Variants in KCNQ5 observed in about 807,000 individuals in gnomAD.
The protein encoded by KCNQ5 is potassium voltage-gated channel subfamily KQT member 5.
A neutral mutation model predicts 98.2 loss-of-function variants in KCNQ5; 30 were observed. That is an observed-to-expected ratio of 0.31 (90% confidence interval 0.23 to 0.41). KCNQ5 has a LOEUF of 0.41. Ranked by LOEUF, KCNQ5 falls within the 10% of genes least tolerant of loss-of-function variation. The pLI is 1.00. For synonymous variants in KCNQ5, 458 were observed against 449.4 expected (o/e 1.02, Z -0.24); for missense variants, 835 against 1,182.5 (o/e 0.71, Z 4.31).
At chr6:72,790,369 C>G (rs1773974382) in intron 1 of KCNQ5, among the ~76,000 whole-genome samples, 1 of 152,116 alleles carries the variant, frequency 6.6e-6, no homozygotes, top group Admixed American at 6.5e-5. Flanking sequence ...AGTTGAGCTA[C>G]AGATTAAATA....
chr6:72,970,488 T>C (rs886382128), intron 1 of KCNQ5, among the ~76,000 whole-genome samples: 6 of 152,342 alleles, frequency 3.9e-5, no homozygotes, highest in African/African-American at 1.2e-4. Context: ...GTTTTCTATA[T>C]GCAGTTTCAG....
intron 5 of KCNQ5, among the ~76,000 whole-genome samples, chr6:73,097,297 TC>T (rs144154454): frequency 0.034 from 5,101 of 151,694 alleles, 115 homozygotes; most frequent in Non-Finnish European, 0.05. Flanking sequence ...TGTTTCAGAT[TC>T]CCCATGTAGT....
chr6:73,065,814 A>G (rs1453889967), intron 3 of KCNQ5, among the ~76,000 whole-genome samples: 3 of 151,280 alleles, frequency 2.0e-5, no homozygotes, highest in Admixed American at 1.3e-4. Context: ...TCGTTGGGTC[A>G]TGGCTCCTCT....
intron 11 of KCNQ5, among the ~76,000 whole-genome samples, chr6:73,185,252 G>T (rs922808499): frequency 6.6e-6 from 1 of 152,124 alleles, no homozygotes; most frequent in South Asian, 2.1e-4. Flanking sequence ...GACTGTCAAG[G>T]CTCACTGTAG....
rs950295081 is a variant in KCNQ5 at position 72,976,941 on chromosome 6, G to A, written c.399-26967G>A. Among the ~76,000 whole-genome samples, 5 of 152,118 alleles carry A rather than the reference G, an allele frequency of 3.3e-5. No individual in the cohort carries two copies. In the East Asian group the frequency reaches 9.6e-4, roughly 29 times the overall value. ...TTGCTTAGACCAAGCCAGATTACTT[G>A]AGCACCTTAAATTTTGCTGGGTATT... On this transcript the variant is annotated intron_variant, in intron 1 of 13. Coordinates refer to ENST00000370398, the MANE Select transcript of KCNQ5 (RefSeq NM_019842.4).
At chr6:72,895,233 G>A (rs1027389966) in intron 1 of KCNQ5, among the ~76,000 whole-genome samples, 104 of 150,160 alleles carry the variant, frequency 6.9e-4, no homozygotes, top group African/African-American at 2.5e-3. Flanking sequence ...AGCTTGCAGT[G>A]AGCAGAGATC....
chr6:73,148,874 G>T (rs560466744), intron 10 of KCNQ5, among the ~76,000 whole-genome samples: 8 of 152,282 alleles, frequency 5.3e-5, no homozygotes, highest in African/African-American at 1.9e-4. Flanking sequence ...TGCAGACTGT[G>T]TGCAGTTCTG....
chr6:72,802,214 C>T (rs962860707), intron 1 of KCNQ5, among the ~76,000 whole-genome samples: 1 of 152,092 alleles, frequency 6.6e-6, no homozygotes, highest in African/African-American at 2.4e-5. Context: ...TAATATCCTG[C>T]AGAGTGTTTT....
At chr6:72,810,009 A>G (rs1291532941) in intron 1 of KCNQ5, among the ~76,000 whole-genome samples, 1 of 152,206 alleles carries the variant, frequency 6.6e-6, no homozygotes, top group Admixed American at 6.5e-5. Flanking sequence ...TGATTAAGAA[A>G]TAGCCTCTGA....
intron 11 of KCNQ5, among the ~76,000 whole-genome samples, chr6:73,182,048 G>A (rs1778419418): frequency 6.6e-6 from 1 of 151,924 alleles, no homozygotes; most frequent in African/African-American, 2.4e-5. Context: ...CATGTAAGAG[G>A]CCACCAAGGT....
chr6:72,751,013 A>G (rs1321815002), intron 1 of KCNQ5, among the ~76,000 whole-genome samples: 1 of 151,110 alleles, frequency 6.6e-6, no homozygotes, highest in Non-Finnish European at 1.5e-5. Flanking sequence ...TACTGGGATG[A>G]AAAAAAAATG....
chr6:72,722,776 A>C (rs994490580), intron 1 of KCNQ5, among the ~76,000 whole-genome samples: 6 of 151,816 alleles, frequency 4.0e-5, no homozygotes, highest in African/African-American at 1.2e-4. Flanking sequence ...ATTAAGCATG[A>C]TAATAATTAT....
chr6:72,690,825 A>C (rs1476208491), intron 1 of KCNQ5, among the ~76,000 whole-genome samples: 1 of 152,060 alleles, frequency 6.6e-6, no homozygotes, highest in Non-Finnish European at 1.5e-5. Context: ...CATAGGAAAG[A>C]TGCTAAAGTA....
At chr6:72,645,475 C>T (rs1445946132) in intron 1 of KCNQ5, among the ~76,000 whole-genome samples, 2 of 151,390 alleles carry the variant, frequency 1.3e-5, no homozygotes, top group African/African-American at 4.9e-5. Context: ...TGCAGGTTGC[C>T]AGAATGGAAG....
At chr6:73,036,071 A>G (rs1771408869) in intron 2 of KCNQ5, among the ~76,000 whole-genome samples, 1 of 151,142 alleles carries the variant, frequency 6.6e-6, no homozygotes, top group Admixed American at 6.6e-5. Flanking sequence ...AGATTAGTAT[A>G]TCTAAAACAA....
chr6:72,874,396 T>C (rs920688808), intron 1 of KCNQ5, among the ~76,000 whole-genome samples: 2 of 152,158 alleles, frequency 1.3e-5, no homozygotes, highest in African/African-American at 4.8e-5. Flanking sequence ...GAAATGGGGA[T>C]AAATAGAGTT....
chr6:72,863,527 A>G (rs747164166), intron 1 of KCNQ5, among the ~76,000 whole-genome samples: 34 of 152,334 alleles, frequency 2.2e-4, no homozygotes, highest in Non-Finnish European at 4.4e-4. Context: ...AGGACTCTAA[A>G]GGGCTTAGGG....
intron 11 of KCNQ5, among the ~76,000 whole-genome samples, chr6:73,183,014 G>A (rs1019296251): frequency 6.6e-6 from 1 of 152,164 alleles, no homozygotes; most frequent in Non-Finnish European, 1.5e-5. Context: ...AGGTGGCCAG[G>A]TTGAAAGGCA....
At chr6:73,161,387 C>T (rs1035410793) in intron 10 of KCNQ5, among the ~76,000 whole-genome samples, 1 of 152,140 alleles carries the variant, frequency 6.6e-6, no homozygotes, top group Non-Finnish European at 1.5e-5. Flanking sequence ...TCAGTCCTAG[C>T]GTTTGATAGG....
Sources: gnomAD v4.1 joint callset for allele counts (sites outside exome capture counted in the v4.1 genomes callset) on GRCh38, gnomAD v4.1.1 for gene constraint, MANE v1.5 for transcripts, NCBI Gene and HGNC (gene_info 2026-07-23, HGNC 2026-07-21) for gene names.